Variants in ARL5A observed in about 807,000 individuals in gnomAD.
ARL5A encodes ARF like GTPase 5A.
ARL5A carries 18 observed loss-of-function variants against 25.9 expected under a neutral mutation model. That is an observed-to-expected ratio of 0.69 (90% CI 0.48 to 1.03). The LOEUF (loss-of-function observed/expected upper bound fraction) is 1.03. Ranked by LOEUF, ARL5A falls within the 50% of genes least tolerant of loss-of-function variation. The probability of loss-of-function intolerance (pLI) is 0.00; values close to 1 mark genes in which losing one functional copy is unlikely to be tolerated. For synonymous variants in ARL5A, 61 were observed against 67.5 expected, an observed-to-expected ratio of 0.90 and a Z score of 0.47; for missense variants, 170 against 211.9, an observed-to-expected ratio of 0.80 and a Z score of 1.23.
intron 5 of ARL5A, among the ~76,000 whole-genome samples, chr2:151,806,207 C>A (rs563915688): frequency 6.6e-6 from 1 of 152,146 alleles, no homozygotes; most frequent in Non-Finnish European, 1.5e-5. Flanking sequence ...CTAGACAGGG[C>A]AAACTTCTAC....
chr2:151,823,865 A>T (rs2099832686), intron 1 of ARL5A, among the ~76,000 whole-genome samples: 1 of 152,240 alleles, frequency 6.6e-6, no homozygotes, highest in African/African-American at 2.4e-5. Context: ...ACCACTATGC[A>T]GTACAAGAGC....
chr2:151,819,492 A>G (rs2099831969), intron 1 of ARL5A, among the ~76,000 whole-genome samples: 1 of 152,202 alleles, frequency 6.6e-6, no homozygotes, highest in African/African-American at 2.4e-5. Flanking sequence ...ATGAAGAATT[A>G]TTTAAAAATT....
At chr2:151,814,628 T>G (rs2099831275) in intron 2 of ARL5A, among the ~76,000 whole-genome samples, 1 of 152,114 alleles carries the variant, frequency 6.6e-6, no homozygotes, top group South Asian at 2.1e-4. Flanking sequence ...TGAGGTTCAC[T>G]GCAGCCTTGA....
At chr2:151,803,370 C>A in intron 5 of ARL5A, 46 bp from the exon 6 acceptor site, 1 of 1,396,860 alleles carries the variant, frequency 7.2e-7, no homozygotes, top group Non-Finnish European at 1.0e-6. Flanking sequence ...AACTAAGAAG[C>A]TATGAGCAGC....
intron 1 of ARL5A, among the ~76,000 whole-genome samples, chr2:151,819,257 C>G (rs1037192781): frequency 6.6e-6 from 1 of 152,136 alleles, no homozygotes; most frequent in African/African-American, 2.4e-5. Context: ...ACACTTATTC[C>G]AACCATGTTA....
In ARL5A at chr2:151,803,183, T is replaced by C. The variant is rs1473184453; in HGVS notation, c.*93A>G. 2.4e-6 allele frequency: 2 copies of C among 829,724 alleles called. No individual in the cohort carries two copies. Among genetic ancestry groups the C allele is most frequent in the African/African-American group, 3.6e-5 (2 of 55,818 alleles). The allele number at this position is 829,724 out of a possible 1,614,324, so 51.4% of individuals were successfully genotyped here. A position where few individuals can be genotyped will look rare whatever the true frequency, so the allele number is the denominator to read the frequency against. ...TATAGAAAAAGTTTAAATCAGTTTATTATAAATATATCTAAACCATTAATT... is the reference window on the plus strand; with the variant it reads ...TATAGAAAAAGTTTAAATCAGTTTACTATAAATATATCTAAACCATTAATT... On this transcript the variant is annotated 3_prime_UTR_variant, in exon 6 of 6. Coordinates refer to ENST00000295087, the MANE Select transcript of ARL5A (RefSeq NM_012097.4).
At chr2:151,815,499 G>C (rs2099831384) in intron 1 of ARL5A, among the ~76,000 whole-genome samples, 2 of 152,134 alleles carry the variant, frequency 1.3e-5, no homozygotes, top group Admixed American at 6.5e-5. Context: ...CAGTAAAGTA[G>C]ACCAAACATA....
At chr2:151,824,846 G>A (rs979140366) in intron 1 of ARL5A, among the ~76,000 whole-genome samples, 2 of 152,014 alleles carry the variant, frequency 1.3e-5, no homozygotes, top group Non-Finnish European at 1.5e-5. Flanking sequence ...CTACGTAATC[G>A]TGGTTAAAAT....
At chr2:151,819,497 A>G (rs2099831970) in intron 1 of ARL5A, among the ~76,000 whole-genome samples, 1 of 152,236 alleles carries the variant, frequency 6.6e-6, no homozygotes, top group Non-Finnish European at 1.5e-5. Flanking sequence ...GAATTATTTA[A>G]AAATTTGTTT....
chr2:151,807,736 G>C (rs903890971), intron 4 of ARL5A, among the ~76,000 whole-genome samples: 4 of 152,082 alleles, frequency 2.6e-5, no homozygotes, highest in Admixed American at 2.6e-4. Context: ...AGCCATCTTG[G>C]AGTGGCATTA....
At chr2:151,817,093 C>T (rs574747058) in intron 1 of ARL5A, among the ~76,000 whole-genome samples, 4 of 152,372 alleles carry the variant, frequency 2.6e-5, no homozygotes, top group South Asian at 2.1e-4. Flanking sequence ...ACTCTCCCTA[C>T]ACAAGCTGCA....
At chr2:151,817,537 C>T (rs2099831678) in intron 1 of ARL5A, among the ~76,000 whole-genome samples, 1 of 152,170 alleles carries the variant, frequency 6.6e-6, no homozygotes, top group South Asian at 2.1e-4. Context: ...TCTATAGGCA[C>T]CTCCTATTAT....
Position 151,827,747 on chromosome 2 carries a change from G to A in ARL5A, c.46+384C>T, listed in dbSNP as rs1046617446. 2.8e-5 allele frequency: 6 copies of A among 217,580 alleles called. No homozygotes were observed. In the South Asian group the frequency reaches 3.8e-4, roughly 14 times the overall value. The allele number at this position is 217,580 out of a possible 1,614,324, so 13.5% of individuals were successfully genotyped here. On this transcript the variant is annotated intron_variant, in intron 1 of 5. Coordinates refer to ENST00000295087, the MANE Select transcript of ARL5A (RefSeq NM_012097.4). ...GCAATCTATAACCTTCATTCCAGAA[G>A]ACCCCAGCACTTCTATGTGGTGTCC...
intron 1 of ARL5A, among the ~76,000 whole-genome samples, chr2:151,825,407 A>C (rs2099832915): frequency 6.6e-6 from 1 of 152,214 alleles, no homozygotes; most frequent in South Asian, 2.1e-4. Flanking sequence ...AAAAAAAATC[A>C]TTCCACTTAA....
At chr2:151,816,595 G>C (rs559304904) in intron 1 of ARL5A, among the ~76,000 whole-genome samples, 1 of 152,258 alleles carries the variant, frequency 6.6e-6, no homozygotes, top group Admixed American at 6.5e-5. Context: ...TTCATTGTAA[G>C]ATAGGGGAAA....
intron 1 of ARL5A, among the ~76,000 whole-genome samples, chr2:151,823,863 G>A (rs140918289): frequency 6.6e-6 from 1 of 152,228 alleles, no homozygotes; most frequent in Non-Finnish European, 1.5e-5. Flanking sequence ...TGACCACTAT[G>A]CAGTACAAGA....
intron 1 of ARL5A, among the ~76,000 whole-genome samples, chr2:151,823,872 G>A (rs1313717261): frequency 6.6e-6 from 1 of 152,220 alleles, no homozygotes; most frequent in East Asian, 1.9e-4. Context: ...TGCAGTACAA[G>A]AGCCAGGCCT....
intron 1 of ARL5A, among the ~76,000 whole-genome samples, chr2:151,825,152 C>T (rs1218736714): frequency 1.3e-5 from 2 of 152,102 alleles, no homozygotes; most frequent in African/African-American, 2.4e-5. Context: ...ACTTCCTGGA[C>T]TAAATAGGTG....
rs976316504 is a variant in ARL5A, at chr2:151,802,833, A to C, written c.*443T>G. The stretch of plus-strand genomic sequence containing the variant: ...CACAATACACACACAACCTTAAGCA[A>C]AATACTTTTCATAAGTAACATTACA... On this transcript the variant is annotated 3_prime_UTR_variant, in exon 6 of 6. Coordinates refer to ENST00000295087, the MANE Select transcript of ARL5A (RefSeq NM_012097.4). 6.4e-6 allele frequency: 1 copy of C among 155,998 alleles called. No individual in the cohort carries two copies. The highest frequency in any genetic ancestry group is 1.4e-5 in the Non-Finnish European group (1 of 70,352). The allele number at this position is 155,998 out of a possible 1,614,324, so 9.7% of individuals were successfully genotyped here. A position where few individuals can be genotyped will look rare whatever the true frequency, so the allele number is the denominator to read the frequency against.
Sources: allele counts gnomAD v4.1 joint callset (sites outside exome capture counted in the v4.1 genomes callset), GRCh38; gene constraint gnomAD v4.1.1; transcripts MANE v1.5; gene names NCBI Gene and HGNC (gene_info 2026-07-23, HGNC 2026-07-21).